Variants in CTNNA2 observed in about 807,000 individuals in gnomAD.
The protein encoded by CTNNA2 is catenin alpha 2, also known as catenin alpha-2.
Under a neutral mutation model 101.0 loss-of-function variants are expected in CTNNA2, and 42 were observed. The ratio of observed to expected loss-of-function variants is 0.42; its 90% CI spans 0.32 to 0.54. The LOEUF is 0.54. CTNNA2 is among the 20% of genes least tolerant of loss of function. CTNNA2 has a pLI of 0.14. For missense variants in CTNNA2, 871 were observed against 1,223.1 expected, an observed-to-expected ratio of 0.71 and a Z score of 4.29; for synonymous variants, 450 against 456.4, an observed-to-expected ratio of 0.99 and a Z score of 0.18.
At chr2:80,440,875 G>A (rs1263979234) in intron 9 of CTNNA2, among the ~76,000 whole-genome samples, 2 of 152,158 alleles carry the variant, frequency 1.3e-5, no homozygotes, top group East Asian at 3.9e-4. Flanking sequence ...AATGGCTTAA[G>A]ATAGCATAGA....
chr2:79,210,264 A>T lies in CTNNA2; in HGVS notation c.-406+12188A>T, dbSNP rs539796172. On this transcript the variant is annotated intron_variant, in intron 2 of 21. Transcript: ENST00000466387. ...GCAAATAGTAAGAGACTTTTTTCTT[A>T]AAAAGACAAGGATTTGAGGGAACAG... Among the ~76,000 whole-genome samples, 5 of 152,312 alleles carry T rather than the reference A, an allele frequency of 3.3e-5. No homozygotes were observed. The South Asian group carries it at 1.0e-3, about 32-fold the overall frequency.
At chr2:79,829,471 G>A (rs979557154) in intron 3 of CTNNA2, among the ~76,000 whole-genome samples, 5 of 150,866 alleles carry the variant, frequency 3.3e-5, no homozygotes, top group African/African-American at 7.3e-5. Flanking sequence ...TCCAGAGGTT[G>A]AGGCAGGAGA....
chr2:79,437,292 TAAG>T (rs1219042260), intron 4 of CTNNA2, among the ~76,000 whole-genome samples: 9 of 152,210 alleles, frequency 5.9e-5, no homozygotes, highest in South Asian at 2.1e-4. Flanking sequence ...TGTATATTCT[TAAG>T]AAGAACTTCT....
chr2:79,459,652 C>T (rs190231338), intron 4 of CTNNA2, among the ~76,000 whole-genome samples: 26 of 152,214 alleles, frequency 1.7e-4, no homozygotes, highest in Admixed American at 9.2e-4. Flanking sequence ...GCTCTCTCTC[C>T]GGCAGCTCTG....
chr2:79,384,026 T>G (rs1357469531), intron 4 of CTNNA2, among the ~76,000 whole-genome samples: 2 of 152,094 alleles, frequency 1.3e-5, no homozygotes, highest in African/African-American at 4.8e-5. Context: ...GTAGAGAAAT[T>G]GGATGGTGCT....
At chr2:79,791,007 A>T (rs1427805971) in intron 3 of CTNNA2, among the ~76,000 whole-genome samples, 1 of 152,216 alleles carries the variant, frequency 6.6e-6, no homozygotes, top group Non-Finnish European at 1.5e-5. Context: ...TAAGAGTTGA[A>T]TGAGTCATTT....
intron 7 of CTNNA2, among the ~76,000 whole-genome samples, chr2:80,154,546 C>CTT (rs201727023): frequency 0.017 from 2,631 of 152,196 alleles, 80 homozygotes; most frequent in African/African-American, 0.059. Context: ...TTCTTAGGGA[C>CTT]AGAAAGTCAT....
chr2:80,069,557 T>C (rs949294552), intron 7 of CTNNA2, among the ~76,000 whole-genome samples: 1 of 152,192 alleles, frequency 6.6e-6, no homozygotes. Context: ...GGTGAAATCT[T>C]TGTCTGATCT....
intron 7 of CTNNA2, chr2:80,030,571 G>A (rs891932527): frequency 6.6e-6 from 1 of 152,240 alleles, no homozygotes; most frequent in African/African-American, 2.4e-5. Flanking sequence ...GACAAAGCAG[G>A]ATGTAGAGAC....
At chr2:80,608,381 C>A in intron 17 of CTNNA2, 63 bp downstream of exon 17, 4 of 1,564,100 alleles carry the variant, frequency 2.6e-6, no homozygotes, top group Non-Finnish European at 1.7e-6. Flanking sequence ...GGCAAACATT[C>A]TTGGCAACAG....
intron 7 of CTNNA2, among the ~76,000 whole-genome samples, chr2:80,319,590 G>C (rs1322413020): frequency 6.6e-6 from 1 of 152,126 alleles, no homozygotes; most frequent in Admixed American, 6.5e-5. Context: ...ATCTCTAAGG[G>C]CTGAAAATGA....
intron 8 of CTNNA2, among the ~76,000 whole-genome samples, chr2:80,399,825 T>G (rs1678390673): frequency 6.6e-6 from 1 of 152,188 alleles, no homozygotes; most frequent in African/African-American, 2.4e-5. Context: ...TGCCATCACA[T>G]TTTTCAGCAT....
Position 80,232,345 on chromosome 2 carries a change from G to GTTTTTTTTTTTTTTTTTTTTTTTTTT in CTNNA2, c.1057-160848_1057-160823dup, listed in dbSNP as rs61454985. Among the ~76,000 whole-genome samples, 58 of 64,800 alleles carry GTTTTTTTTTTTTTTTTTTTTTTTTTT rather than the reference G, an allele frequency of 9.0e-4. 4 individuals carry two copies. Among genetic ancestry groups the GTTTTTTTTTTTTTTTTTTTTTTTTTT allele is most frequent in the Non-Finnish European group, 1.1e-3 (42 of 38,942 alleles). The allele number at this position is 64,800 out of a possible 152,430, so 42.5% of individuals were successfully genotyped here. On this transcript the variant is annotated intron_variant, in intron 7 of 18. Coordinates refer to ENST00000402739, the MANE Select transcript of CTNNA2 (RefSeq NM_001282597.3). ...GTTTTGTTTGTTTGTTTGTTTGTTT[G>GTTTTTTTTTTTTTTTTTTTTTTTTTT]TTTTTTTTTTTTTTTTTTTTTTTTT...
In CTNNA2 at chr2:80,546,005, A is replaced by G; in HGVS notation, c.1482A>G (p.Arg494=). 6.2e-7 allele frequency: 1 copy of G among 1,614,122 alleles called. No individual in the cohort carries two copies. The highest frequency in any genetic ancestry group is 8.5e-7 in the Non-Finnish European group (1 of 1,180,022). Residue 494 remains arginine, a synonymous_variant, in exon 11 of 19, where the codon CGA becomes CGG. Coordinates refer to ENST00000402739, the MANE Select transcript of CTNNA2 (RefSeq NM_001282597.3). ...VFKDQWEKQV[R]VLTEAVDDIT... ...AAGACCAGTGGGAGAAGCAGGTCCG[A>G]GTGTTGACAGAGGCCGTGGATGACA...
At chr2:80,418,398 C>T (rs1470067554) in intron 8 of CTNNA2, among the ~76,000 whole-genome samples, 1 of 152,158 alleles carries the variant, frequency 6.6e-6, no homozygotes, top group African/African-American at 2.4e-5. Flanking sequence ...TAATTTAATA[C>T]ACTTTGTCAA....
chr2:79,861,618 T>C (rs374132546), intron 4 of CTNNA2, among the ~76,000 whole-genome samples: 2 of 152,330 alleles, frequency 1.3e-5, no homozygotes, highest in South Asian at 4.1e-4. Context: ...TCTTAGTTGC[T>C]CAAGTTATGC....
chr2:80,236,951 G>T (rs985869902), intron 7 of CTNNA2, among the ~76,000 whole-genome samples: 4 of 152,154 alleles, frequency 2.6e-5, no homozygotes, highest in Non-Finnish European at 5.9e-5. Context: ...GGAAAGCAAA[G>T]AGAAGGAAGC....
chr2:80,565,342 G>A (rs775954310), intron 12 of CTNNA2, among the ~76,000 whole-genome samples: 1 of 152,076 alleles, frequency 6.6e-6, no homozygotes, highest in Admixed American at 6.6e-5. Context: ...CCTGAGGGCA[G>A]ATTATTTCAC....
chr2:80,229,737 C>T (rs1283509092), intron 7 of CTNNA2, among the ~76,000 whole-genome samples: 1 of 152,122 alleles, frequency 6.6e-6, no homozygotes, highest in African/African-American at 2.4e-5. Flanking sequence ...ATACTTGATT[C>T]CCATGGCAAC....
Sources: allele counts gnomAD v4.1 joint callset (sites outside exome capture counted in the v4.1 genomes callset), GRCh38; gene constraint gnomAD v4.1.1; transcripts MANE v1.5; gene names NCBI Gene and HGNC (gene_info 2026-07-23, HGNC 2026-07-21).